Variants in USP48 observed in about 807,000 individuals in gnomAD.
USP48 encodes ubiquitin carboxyl-terminal hydrolase 48.
Under a neutral mutation model 150.7 loss-of-function variants are expected in USP48, and 43 were observed. That is an observed-to-expected ratio of 0.29 (90% CI 0.22 to 0.37). USP48 has a LOEUF of 0.37. Ranked by LOEUF, USP48 falls within the 10% of genes least tolerant of loss-of-function variation. The pLI is 1.00. For missense variants in USP48, 813 were observed against 1,249.6 expected (o/e 0.65, Z 5.27); for synonymous variants, 396 against 425.9 (o/e 0.93, Z 0.86).
At position 21,728,587 on chromosome 1, in the gene USP48, C is replaced by A; in HGVS notation, c.1433G>T (p.Arg478Met). The change falls in exon 11 of 27, where the codon AGG (arginine) becomes ATG (methionine). Residue 478 changes from arginine (R) to methionine (M), a missense_variant. Physicochemically the swap from Arg to Met is moderately conservative, Grantham distance 91. Transcript: ENST00000308271. ...TTACAGACCAGCTCCAGCAGGTAAC[C>A]TTTGGTACAGCTCCTTAACCTCTTC... Reference protein sequence around the residue: ...KHEEVKELYQRLPAGAEPYEF... With the variant: ...KHEEVKELYQMLPAGAEPYEF... 6.2e-7 allele frequency: 1 copy of A among 1,614,098 alleles called. No individual in the cohort carries two copies. The highest frequency in any genetic ancestry group is 8.5e-7 in the Non-Finnish European group (1 of 1,179,972).
At chr1:21,728,321 CAG>C in intron 11 of USP48, 3 of 1,220,684 alleles carry the variant, frequency 2.5e-6, no homozygotes, top group Non-Finnish European at 3.1e-6. Flanking sequence ...CTCATGGATG[CAG>C]AGTGCTGACC....
chr1:21,751,431 T>G, intron 6 of USP48, 76 bp downstream of exon 6: 1 of 1,138,112 alleles, frequency 8.8e-7, no homozygotes, highest in Non-Finnish European at 1.3e-6. Flanking sequence ...AGCCACTAAA[T>G]CAAAACAGAA....
At chr1:21,758,104 T>C (rs995505270) in intron 1 of USP48, among the ~76,000 whole-genome samples, 5 of 151,504 alleles carry the variant, frequency 3.3e-5, no homozygotes, top group Admixed American at 6.6e-5. Context: ...GTCTGTTAAT[T>C]GCAAAATATT....
rs760867518 is a variant in USP48 at position 21,689,971 on chromosome 1, T to C, written c.3009+3A>G. 6.2e-7 allele frequency: 1 copy of C among 1,613,942 alleles called. No individual in the cohort carries two copies. The highest frequency in any genetic ancestry group is 8.5e-7 in the Non-Finnish European group (1 of 1,179,894). On this transcript the variant is annotated splice_donor_region_variant and intron_variant, in intron 24 of 26. Transcript: ENST00000308271. The stretch of plus-strand genomic sequence containing the variant: ...TTCTTCAGCTAAGGAGCTGTTTACT[T>C]ACCTTCAATAAAATGACAGATTCAG...
chr1:21,778,895 C>T (rs1292691682), intron 1 of USP48, among the ~76,000 whole-genome samples: 1 of 151,984 alleles, frequency 6.6e-6, no homozygotes, highest in African/African-American at 2.4e-5. Context: ...CATTCTCCTG[C>T]CCCAGCCTCC....
At chr1:21,718,774 T>A (rs1042382148) in intron 14 of USP48, among the ~76,000 whole-genome samples, 2 of 151,910 alleles carry the variant, frequency 1.3e-5, no homozygotes, top group African/African-American at 4.8e-5. Context: ...GTCAGGCTGA[T>A]CTCGAACTTG....
At chr1:21,732,299 T>C (rs1026492706) in intron 9 of USP48, among the ~76,000 whole-genome samples, 12 of 152,190 alleles carry the variant, frequency 7.9e-5, no homozygotes, top group Admixed American at 7.9e-4. Context: ...AAAGAGGTTA[T>C]GGGCAGTTCT....
At chr1:21,776,736 T>C (rs2097900163) in intron 1 of USP48, among the ~76,000 whole-genome samples, 1 of 151,912 alleles carries the variant, frequency 6.6e-6, no homozygotes, top group South Asian at 2.1e-4. Context: ...GGGGGATCAC[T>C]TGAGGTCAGG....
At chr1:21,709,585 T>C (rs59011319) in intron 15 of USP48, among the ~76,000 whole-genome samples, 7 of 145,554 alleles carry the variant, frequency 4.8e-5, no homozygotes, top group African/African-American at 1.8e-4. Flanking sequence ...TTTTATGCTT[T>C]AAAAAAAAAA....
In USP48 at chr1:21,690,115, A is replaced by G. The variant is rs554610527; in HGVS notation, c.2884-16T>C. ...CATGCATGATCTGTGCCAATATAAA[A>G]GAGAGAAAGTCCGTATAATGCAAAA... On this transcript the variant is annotated splice_polypyrimidine_tract_variant and intron_variant, in intron 23 of 26. Transcript: ENST00000308271. 3.1e-6 allele frequency: 5 copies of G among 1,608,364 alleles called. No individual in the cohort carries two copies. In the South Asian group the frequency reaches 5.5e-5, roughly 18 times the overall value.
At chr1:21,752,774 G>C (rs970769062) in intron 4 of USP48, 123 bp from the exon 5 acceptor site, 9 of 1,247,190 alleles carry the variant, frequency 7.2e-6, no homozygotes, top group Non-Finnish European at 9.7e-6. Flanking sequence ...TCAAACAGGG[G>C]CTACAGCTAT....
At chr1:21,705,575 CTT>C in intron 19 of USP48, 150 bp downstream of exon 19, 1 of 589,144 alleles carries the variant, frequency 1.7e-6, no homozygotes, top group Non-Finnish European at 2.9e-6. Flanking sequence ...GTCTTCTTCT[CTT>C]TTAAAAGGGG....
intron 1 of USP48, among the ~76,000 whole-genome samples, chr1:21,763,691 TG>T (rs2097855268): frequency 6.6e-6 from 1 of 152,202 alleles, no homozygotes; most frequent in Non-Finnish European, 1.5e-5. Flanking sequence ...GGCACATGCC[TG>T]TAATTCCAGC....
At chr1:21,769,185 T>C (rs1448113341) in intron 1 of USP48, among the ~76,000 whole-genome samples, 2 of 152,132 alleles carry the variant, frequency 1.3e-5, no homozygotes, top group Admixed American at 1.3e-4. Flanking sequence ...TCCCAACTGA[T>C]GAGAATAATC....
At chr1:21,766,147 C>T (rs1337510072) in intron 1 of USP48, among the ~76,000 whole-genome samples, 1 of 152,100 alleles carries the variant, frequency 6.6e-6, no homozygotes, top group Admixed American at 6.6e-5. Flanking sequence ...GCGGGAGGAT[C>T]ACTTGAGGCT....
At chr1:21,752,207 A>T (rs539618738) in intron 5 of USP48, among the ~76,000 whole-genome samples, 1 of 151,944 alleles carries the variant, frequency 6.6e-6, no homozygotes, top group Non-Finnish European at 1.5e-5. Flanking sequence ...ACTCATGCAC[A>T]TTTTTTTAAC....
chr1:21,782,688 G>A (rs773186161), intron 1 of USP48, 136 bp downstream of exon 1: 2 of 1,331,364 alleles, frequency 1.5e-6, no homozygotes, highest in Non-Finnish European at 2.0e-6. Context: ...ACGGCGCAAA[G>A]GGGGAAACTC....
At chr1:21,681,632 A>G (rs1043318605) in intron 25 of USP48, among the ~76,000 whole-genome samples, 11 of 152,164 alleles carry the variant, frequency 7.2e-5, no homozygotes, top group Non-Finnish European at 1.5e-4. Flanking sequence ...TTTACCACTT[A>G]CATAGCACCT....
chr1:21,766,048 T>G (rs2097861507), intron 1 of USP48, among the ~76,000 whole-genome samples: 1 of 151,620 alleles, frequency 6.6e-6, no homozygotes, highest in Admixed American at 6.6e-5. Flanking sequence ...AGGAGAAATC[T>G]GGAATGATGC....
Sources: gnomAD v4.1 joint callset for allele counts (sites outside exome capture counted in the v4.1 genomes callset) on GRCh38, gnomAD v4.1.1 for gene constraint, MANE v1.5 for transcripts, NCBI Gene and HGNC (gene_info 2026-07-23, HGNC 2026-07-21) for gene names.